The following SIRPA variants were observed in gnomAD, a reference collection of about 807,000 sequenced individuals.
The protein encoded by SIRPA is signal regulatory protein alpha.
In SIRPA, 9 loss-of-function variants were observed where a neutral mutation model predicts 50.3. The observed-to-expected ratio is 0.18, with a 90% CI of 0.11 to 0.31. The LOEUF is 0.31. SIRPA is among the 10% of genes least tolerant of loss of function. SIRPA has a pLI of 1.00. For missense variants in SIRPA, 474 were observed against 661.6 expected, an observed-to-expected ratio of 0.72 and a Z score of 3.11; for synonymous variants, 265 against 284.1, an observed-to-expected ratio of 0.93 and a Z score of 0.68.
At chr20:1,935,916 A>G (rs969588081) in intron 7 of SIRPA, among the ~76,000 whole-genome samples, 2 of 152,168 alleles carry the variant, frequency 1.3e-5, no homozygotes, top group Admixed American at 1.3e-4. Flanking sequence ...AGGACAGAGG[A>G]GCTGTGTGCT....
In SIRPA at chr20:1,927,829, T is replaced by C. The variant is rs1239033530; in HGVS notation, c.1202-46T>C. On this transcript the variant is annotated intron_variant, in intron 5 of 7. Transcript: ENST00000358771. The surrounding 1 kb of genome is among the most constrained non-coding windows in gnomAD (Gnocchi z 6.5). ...CCAAAAAATAGTTACATAAGAAAAG[T>C]GTGCTTCTAGTTAAACAACTGGCTT... The C allele has an allele frequency of 1.0e-5, 16 of 1,595,976 alleles. No homozygotes were observed. The highest frequency in any genetic ancestry group is 1.3e-5 in the African/African-American group (1 of 74,568).
chr20:1,929,674 C>T (rs918113567), intron 6 of SIRPA, among the ~76,000 whole-genome samples: 12 of 152,110 alleles, frequency 7.9e-5, no homozygotes, highest in Non-Finnish European at 1.6e-4. Flanking sequence ...AGCCTCCTGG[C>T]CTTTTCCTCC....
At chr20:1,911,804 A>C (rs576201774) in intron 1 of SIRPA, among the ~76,000 whole-genome samples, 1 of 152,250 alleles carries the variant, frequency 6.6e-6, no homozygotes, top group Non-Finnish European at 1.5e-5. Context: ...AGGCCCCTGG[A>C]CAGTCGCATC....
chr20:1,911,846 T>A (rs1173451524), intron 1 of SIRPA, among the ~76,000 whole-genome samples: 2 of 150,364 alleles, frequency 1.3e-5, no homozygotes, highest in African/African-American at 4.9e-5. Flanking sequence ...AAGCAGGAAA[T>A]AATTTGGCCA....
At chr20:1,895,112 C>A (rs557948399), upstream of SIRPA, among the ~76,000 whole-genome samples, 12 of 151,748 alleles carry the variant, frequency 7.9e-5, no homozygotes, top group South Asian at 1.7e-3. Context: ...CTTTCTCCCC[C>A]TCTCGCCTCT....
chr20:1,919,307 A>G (rs1200480926), intron 2 of SIRPA, among the ~76,000 whole-genome samples: 1 of 152,244 alleles, frequency 6.6e-6, no homozygotes, highest in Non-Finnish European at 1.5e-5. Context: ...AATCCAGAAG[A>G]TTCTAATACA....
intron 1 of SIRPA, among the ~76,000 whole-genome samples, chr20:1,911,389 C>T (rs889527449): frequency 5.3e-5 from 8 of 152,284 alleles, no homozygotes; most frequent in Middle Eastern, 3.4e-3. Context: ...TGTTTCCATA[C>T]TTATTTTCTC....
intron 4 of SIRPA, among the ~76,000 whole-genome samples, chr20:1,923,169 A>C (rs1299232381): frequency 6.6e-6 from 1 of 152,246 alleles, no homozygotes; most frequent in Non-Finnish European, 1.5e-5. Context: ...CCCAAGGAAC[A>C]CTTTAGGCCA....
chr20:1,904,393 C>T lies in SIRPA; in HGVS notation c.79+8867C>T, dbSNP rs542430392. ...GGGGGTTGGCTTGGAGGCCCCACCT[C>T]GAGGTTAGCCTCCCCCAGAGGGTCA... On this transcript the variant is annotated intron_variant, in intron 1 of 7. Transcript: ENST00000358771. Among the ~76,000 whole-genome samples the T allele has an allele frequency of 4.6e-5, 7 of 152,292 alleles. No individual in the cohort carries two copies. The East Asian group carries it at 1.4e-3, about 29-fold the overall frequency.
rs1281014101 is a variant in SIRPA, at chr20:1,939,558, G to GCATGCACACA, written c.*1993_*2002dup. 1.3e-5 allele frequency: 2 copies of GCATGCACACA among 152,186 alleles called. No individual in the cohort carries two copies. Among genetic ancestry groups the GCATGCACACA allele is most frequent in the African/African-American group, 4.8e-5 (2 of 41,446 alleles). The allele number at this position is 152,186 out of a possible 1,614,324, so 9.4% of individuals were successfully genotyped here. On this transcript the variant is annotated 3_prime_UTR_variant, in exon 8 of 8. Transcript: ENST00000358771. This position sits in a 1 kb window ranked among gnomAD's most constrained non-coding sequence, Gnocchi z 4.7. ...AGAGACAGCACATACGTGTGCACAC[G>GCATGCACACA]CATGCACACACACATTCAGTATTTT...
chr20:1,922,502 G>C lies in SIRPA; in HGVS notation c.944G>C (p.Trp315Ser). Residue 315 changes from tryptophan to serine, a missense_variant, in exon 4 of 8, where the codon TGG becomes TCG. By Grantham distance (177) the Trp-to-Ser change is radical (BLOSUM62 -3). Around this residue, in one of 4 missense-constraint regions of SIRPA, gnomAD observed 221 missense variants for 359.9 expected, o/e 0.61. Transcript: ENST00000358771. Reference protein sequence around the residue: ...NKDGTYNWMSWLLVNVSAHRD... With the variant: ...NKDGTYNWMSSLLVNVSAHRD... ...GATGGTACCTACAACTGGATGAGCT[G>C]GCTCCTGGTGAATGTATCTGCCCAC... 6.2e-7 allele frequency: 1 copy of C among 1,614,212 alleles called. No individual in the cohort carries two copies. The highest frequency in any genetic ancestry group is 8.5e-7 in the Non-Finnish European group (1 of 1,180,040).
rs1191834450 is a variant in SIRPA, at chr20:1,938,071, C to G, written c.*503C>G. The stretch of plus-strand genomic sequence containing the variant: ...AGATTTCCCCTTTAGATCAAACTGC[C>G]CCTTCCATGGAAAAGCTGGAAAAAA... On this transcript the variant is annotated 3_prime_UTR_variant, in exon 8 of 8. Coordinates refer to ENST00000358771, the MANE Select transcript of SIRPA (RefSeq NM_001040023.2). 1 of 155,742 alleles carries G rather than the reference C, an allele frequency of 6.4e-6. No individual in the cohort carries two copies. The highest frequency in any genetic ancestry group is 1.4e-5 in the Non-Finnish European group (1 of 71,316). 9.6% of individuals were successfully genotyped at this position (155,742 alleles called of 1,614,324 possible).
At position 1,921,398 on chromosome 20, in the gene SIRPA, A is replaced by C. The variant is rs1389441258; in HGVS notation, c.440A>C (p.Lys147Thr). ...ATTATCGATGGTCCTTTTGTAGCCA[A>C]ACCCTCTGCCCCCGTGGTATCGGGC... ...GAGTELSVRA[K>T]PSAPVVSGPA... Residue 147 changes from lysine (K) to threonine (T), a missense_variant, in exon 3 of 8, where the codon AAA becomes ACA. Coordinates refer to ENST00000358771, the MANE Select transcript of SIRPA (RefSeq NM_001040023.2). The C allele has an allele frequency of 6.2e-7, 1 of 1,612,954 alleles. No individual in the cohort carries two copies. Among genetic ancestry groups the C allele is most frequent in the South Asian group, 1.1e-5 (1 of 91,064 alleles).
In SIRPA at chr20:1,924,811, G is replaced by C; in HGVS notation, c.1135G>C (p.Val379Leu). Residue 379 changes from valine to leucine, a missense_variant, in exon 5 of 8, where the codon GTG becomes CTG. Physicochemically the swap from Val to Leu is conservative, Grantham distance 32. Around this residue, in one of 4 missense-constraint regions of SIRPA, gnomAD observed 180 missense variants for 206.7 expected, o/e 0.87. Coordinates refer to ENST00000358771, the MANE Select transcript of SIRPA (RefSeq NM_001040023.2). This position sits in a 1 kb window ranked among gnomAD's most constrained non-coding sequence, Gnocchi z 4.5. ...GAACATCTATATTGTGGTGGGTGTGGTGTGCACCTTGCTGGTGGCCCTACT... is the reference window on the plus strand; with the variant it reads ...GAACATCTATATTGTGGTGGGTGTGCTGTGCACCTTGCTGGTGGCCCTACT... ...ERNIYIVVGV[V>L]CTLLVALLMA... is the part of the protein sequence containing the mutation. The C allele has an allele frequency of 6.2e-7, 1 of 1,614,200 alleles. No homozygotes were observed. Among genetic ancestry groups the C allele is most frequent in the East Asian group, 2.2e-5 (1 of 44,884 alleles).
At position 1,924,941 on chromosome 20, in the gene SIRPA, C is replaced by A. The variant is rs1407121510; in HGVS notation, c.1201+64C>A. 3.8e-6 allele frequency: 5 copies of A among 1,310,360 alleles called. No homozygotes were observed. Among genetic ancestry groups the A allele is most frequent in the Non-Finnish European group, 4.4e-6 (4 of 909,828 alleles). 81.2% of individuals were successfully genotyped at this position (1,310,360 alleles called of 1,614,324 possible). On this transcript the variant is annotated intron_variant, in intron 5 of 7. Coordinates refer to ENST00000358771, the MANE Select transcript of SIRPA (RefSeq NM_001040023.2). This position sits in a 1 kb window ranked among gnomAD's most constrained non-coding sequence, Gnocchi z 4.5. Reference sequence around the variant, plus strand: ...CTGGACTGTCCTCGGAGGGAGACGCCATTAGGTGCTTTGGGTTAAGGACAT... The same window carrying A: ...CTGGACTGTCCTCGGAGGGAGACGCAATTAGGTGCTTTGGGTTAAGGACAT...
rs754015483 is a variant in SIRPA at position 1,921,621 on chromosome 20, C to T, written c.663C>T (p.Asp221=). ...CCAAGGTGGTGCTGACCCGCGAGGA[C>T]GTTCACTCTCAAGTCATCTGCGAGG... ...STAKVVLTRE[D]VHSQVICEVA... The change falls in exon 3 of 8, where the codon GAC becomes GAT. Residue 221 remains aspartate (D), a synonymous_variant. Coordinates refer to ENST00000358771, the MANE Select transcript of SIRPA (RefSeq NM_001040023.2). 8.1e-6 allele frequency: 13 copies of T among 1,614,188 alleles called. No individual in the cohort carries two copies. The highest frequency in any genetic ancestry group is 3.3e-5 in the South Asian group (3 of 91,074).
intron 1 of SIRPA, among the ~76,000 whole-genome samples, chr20:1,901,315 C>T (rs575511598): frequency 2.8e-4 from 43 of 151,944 alleles, no homozygotes; most frequent in African/African-American, 9.9e-4. Context: ...GGACTACAGG[C>T]GCACACCGTC....
upstream of SIRPA, chr20:1,895,341 C>T (rs1983721373): frequency 5.6e-6 from 3 of 530,986 alleles, no homozygotes; most frequent in Non-Finnish European, 5.0e-6. Context: ...GAGGCCCAGC[C>T]GGGAGGGGGG....
At position 1,899,535 on chromosome 20, in the gene SIRPA, T is replaced by G. The variant is rs1386238650; in HGVS notation, c.79+4009T>G. Among the ~76,000 whole-genome samples the G allele has an allele frequency of 3.9e-5, 6 of 152,348 alleles. No individual in the cohort carries two copies. The South Asian group carries it at 1.2e-3, about 32-fold the overall frequency. ...TGGTAAACGGTTTTCTACAGATCCA[T>G]GCCCTCAGCTGAACTCTCAGCTCTG... On this transcript the variant is annotated intron_variant, in intron 1 of 7. Transcript: ENST00000358771.
Sources: gnomAD v4.1 joint callset for allele counts (sites outside exome capture counted in the v4.1 genomes callset) on GRCh38, gnomAD v4.1.1 for gene constraint, gnomAD v4.1.1 regional missense constraint, Gnocchi (gnomAD v3.1) non-coding constraint, MANE v1.5 for transcripts, NCBI Gene and HGNC (gene_info 2026-07-23, HGNC 2026-07-21) for gene names.